Variants in ZNF775 observed in about 807,000 individuals in gnomAD.
ZNF775 encodes the protein zinc finger protein 775.
In ZNF775, 1 loss-of-function variant was observed where a neutral mutation model predicts 2.4. The ratio of observed to expected loss-of-function variants is 0.41; its 90% CI spans 0.15 to 1.94. ZNF775 has a LOEUF of 1.94. ZNF775 is among the 30% of genes most tolerant of loss of function. The pLI is 0.30. For missense variants in ZNF775, 823 were observed against 826.6 expected (o/e 1.00, Z 0.05); for synonymous variants, 381 against 373.3 (o/e 1.02, Z -0.24).
rs905614909 is a variant in ZNF775 at position 150,384,661 on chromosome 7, T to C, written c.-49-3761T>C. On this transcript the variant is annotated intron_variant, in intron 1 of 2. Transcript: ENST00000329630. This position sits in a 1 kb window ranked among gnomAD's most constrained non-coding sequence, Gnocchi z 4.1. ...TGTCCTCTGTGTTTCCCCCTTTGAATTTCTCACTTCTTCCTCTTGGGTCCT... is the reference window on the plus strand; with the variant it reads ...TGTCCTCTGTGTTTCCCCCTTTGAACTTCTCACTTCTTCCTCTTGGGTCCT... Among the ~76,000 whole-genome samples, 1 of 152,146 alleles carries C rather than the reference T, an allele frequency of 6.6e-6. No individual in the cohort carries two copies. Among genetic ancestry groups the C allele is most frequent in the Admixed American group, 6.6e-5 (1 of 15,264 alleles).
intron 1 of ZNF775, among the ~76,000 whole-genome samples, chr7:150,387,780 A>G (rs368604045): frequency 3.0e-4 from 45 of 151,732 alleles, no homozygotes; most frequent in South Asian, 2.7e-3. Context: ...ACTGCACTCC[A>G]GCCTGGGCAA....
In ZNF775 at chr7:150,396,992, C is replaced by A; in HGVS notation, c.511C>A (p.Arg171Ser). Residue 171 changes from arginine (R) to serine (S), a missense_variant, in exon 3 of 3, where the codon CGC becomes AGC. By Grantham distance (110) the Arg-to-Ser change is moderately radical (BLOSUM62 -1). Transcript: ENST00000329630. ...RPFCCPECAR[R>S]FSQKQHLLKH... ...CTTCTGCTGCCCCGAGTGCGCGCGG[C>A]GCTTCAGCCAGAAGCAGCACCTGCT... 6.3e-7 allele frequency: 1 copy of A among 1,598,678 alleles called. No homozygotes were observed. The highest frequency in any genetic ancestry group is 8.5e-7 in the Non-Finnish European group (1 of 1,178,766).
At chr7:150,392,419 G>A (rs1800574800) in intron 2 of ZNF775, among the ~76,000 whole-genome samples, 1 of 152,036 alleles carries the variant, frequency 6.6e-6, no homozygotes, top group Non-Finnish European at 1.5e-5. Flanking sequence ...TACTTTTATT[G>A]TTTTGTGGAA....
chr7:150,397,786 G>A lies in ZNF775; in HGVS notation c.1305G>A (p.Ala435=), dbSNP rs764537483. The change falls in exon 3 of 3, where the codon GCG becomes GCA. Residue 435 remains alanine, a synonymous_variant. Transcript: ENST00000329630. ...ACACGCTGTGGGGCCGGGGACAAGC[G>A]GGCCTCGCTGGGCCTGGCGAGCCGC... is the stretch of plus-strand genomic sequence containing the variant. ...ARDTLWGRGQ[A]GLAGPGEPRQ... is the part of the protein sequence containing the mutation. 3.2e-6 allele frequency: 5 copies of A among 1,547,656 alleles called. No homozygotes were observed. The highest frequency in any genetic ancestry group is 2.3e-5 in the South Asian group (2 of 85,198).
At chr7:150,388,831 C>A (rs921195694) in intron 2 of ZNF775, among the ~76,000 whole-genome samples, 3 of 152,186 alleles carry the variant, frequency 2.0e-5, no homozygotes, top group Non-Finnish European at 2.9e-5. Flanking sequence ...TAATTAGACA[C>A]GGAAAACTGG....
At position 150,388,493 on chromosome 7, in the gene ZNF775, A is replaced by AC. The variant is rs1217851271; in HGVS notation, c.24dup (p.Gly9ArgfsTer71). 6.4e-7 allele frequency: 1 copy of AC among 1,551,722 alleles called. No homozygotes were observed. Among genetic ancestry groups the AC allele is most frequent in the African/African-American group, 1.4e-5 (1 of 73,050 alleles). ...GGGATGGAGAGTGGCCTGGCTGGCA[A>AC]CGGCACAGGTAAGAGAGAAGAAAGA... On this transcript the variant is annotated frameshift_variant, in exon 2 of 3. Transcript: ENST00000329630. LOFTEE classifies it low-confidence loss of function (END_TRUNC).
intron 2 of ZNF775, among the ~76,000 whole-genome samples, chr7:150,391,823 T>A (rs1458130619): frequency 6.6e-6 from 1 of 151,300 alleles, no homozygotes; most frequent in Admixed American, 6.6e-5. Flanking sequence ...GTGATTTTCC[T>A]GCCTCAGCCT....
intron 1 of ZNF775, among the ~76,000 whole-genome samples, chr7:150,386,040 A>G (rs947010516): frequency 1.6e-4 from 24 of 151,968 alleles, no homozygotes; most frequent in African/African-American, 5.1e-4. Context: ...AGTTCAAACA[A>G]TTTTCCTGTC....
At chr7:150,380,260 C>A (rs1034200963) in intron 1 of ZNF775, 1 of 152,196 alleles carries the variant, frequency 6.6e-6, no homozygotes, top group African/African-American at 2.4e-5. Flanking sequence ...TGCTTCAAAT[C>A]TGTTTTGTAC....
chr7:150,379,335 G>C lies in ZNF775; in HGVS notation c.-107G>C, dbSNP rs1026707122. 33 of 152,338 alleles carry C rather than the reference G, an allele frequency of 2.2e-4. No homozygotes were observed. Among genetic ancestry groups the C allele is most frequent in the African/African-American group, 7.9e-4 (33 of 41,576 alleles). The allele number at this position is 152,338 out of a possible 1,614,324, so 9.4% of individuals were successfully genotyped here. ...CGGGAATGGCCAGGGCCGGGAGCCCGGTGCCCAAGTCGCCCTCGGGGTGGC... is the reference window on the plus strand; with the variant it reads ...CGGGAATGGCCAGGGCCGGGAGCCCCGTGCCCAAGTCGCCCTCGGGGTGGC... On this transcript the variant is annotated 5_prime_UTR_variant, in exon 1 of 3. Coordinates refer to ENST00000329630, the MANE Select transcript of ZNF775 (RefSeq NM_173680.4).
rs1800662934 is a variant in ZNF775 at position 150,396,716 on chromosome 7, G to C, written c.235G>C (p.Glu79Gln). The C allele has an allele frequency of 1.2e-5, 19 of 1,599,756 alleles. No individual in the cohort carries two copies. Among genetic ancestry groups the C allele is most frequent in the Non-Finnish European group, 1.3e-5 (15 of 1,173,822 alleles). ...GAGTCCAAGGTGGGCCCCTCCCACT[G>C]AGCAGGATGCGGGGCTGGCAGGCCG... is the stretch of plus-strand genomic sequence containing the variant. ...SGSPRWAPPT[E>Q]QDAGLAGRAP... Residue 79 changes from glutamate (E) to glutamine (Q), a missense_variant, in exon 3 of 3, where the codon GAG becomes CAG. Coordinates refer to ENST00000329630, the MANE Select transcript of ZNF775 (RefSeq NM_173680.4).
Position 150,382,991 on chromosome 7 carries a change from G to A in ZNF775, c.-50+3599G>A, listed in dbSNP as rs142004423. On this transcript the variant is annotated intron_variant, in intron 1 of 2. Transcript: ENST00000329630. This position sits in a 1 kb window ranked among gnomAD's most constrained non-coding sequence, Gnocchi z 4.6. ...GTGCTGCCCTGGTTCACAGTGGCAC[G>A]TTTGTGTGTCTGTGGATCTGTAGGT... 3.3e-5 allele frequency among the ~76,000 whole-genome samples: 5 copies of A among 152,340 alleles called. No individual in the cohort carries two copies. The highest frequency in any genetic ancestry group is 2.1e-4 in the South Asian group (1 of 4,828).
Position 150,397,878 on chromosome 7 carries a change from G to A in ZNF775, c.1397G>A (p.Arg466His), listed in dbSNP as rs910523680. 21 of 1,603,190 alleles carry A rather than the reference G, an allele frequency of 1.3e-5. No individual in the cohort carries two copies. Among genetic ancestry groups the A allele is most frequent in the Non-Finnish European group, 1.6e-5 (19 of 1,178,524 alleles). The change falls in exon 3 of 3, where the codon CGC (arginine) becomes CAC (histidine). Residue 466 changes from arginine to histidine, a missense_variant. Physicochemically the swap from Arg to His is conservative, Grantham distance 29. Coordinates refer to ENST00000329630, the MANE Select transcript of ZNF775 (RefSeq NM_173680.4). Reference sequence around the variant, plus strand: ...TGGTCGGCGCTCACCATCCACCAGCGCATCCACACGGGTGAGCGGCCCTAC... The same window carrying A: ...TGGTCGGCGCTCACCATCCACCAGCACATCCACACGGGTGAGCGGCCCTAC... ...SWWSALTIHQRIHTGERPYPC... is the reference protein window; with the variant it reads ...SWWSALTIHQHIHTGERPYPC...
In ZNF775 at chr7:150,397,824, G is replaced by A. The variant is rs755725246; in HGVS notation, c.1343G>A (p.Cys448Tyr). 6.9e-6 allele frequency: 11 copies of A among 1,597,254 alleles called. No homozygotes were observed. Among genetic ancestry groups the A allele is most frequent in the Non-Finnish European group, 8.5e-6 (10 of 1,175,680 alleles). Residue 448 changes from cysteine to tyrosine, a missense_variant, in exon 3 of 3, where the codon TGC becomes TAC. Transcript: ENST00000329630. ...AGPGEPRQFI[C>Y]NECGKSFSWW... is the part of the protein sequence containing the mutation. ...CCTGGCGAGCCGCGCCAGTTCATCT[G>A]CAACGAGTGCGGCAAGAGCTTCTCG... is the stretch of plus-strand genomic sequence containing the variant.
Position 150,382,476 on chromosome 7 carries a change from G to A in ZNF775, c.-50+3084G>A, listed in dbSNP as rs1439237806. 6.6e-6 allele frequency among the ~76,000 whole-genome samples: 1 copy of A among 152,202 alleles called. No individual in the cohort carries two copies. The highest frequency in any genetic ancestry group is 1.9e-4 in the East Asian group (1 of 5,198). On this transcript the variant is annotated intron_variant, in intron 1 of 2. Transcript: ENST00000329630. This position sits in a 1 kb window ranked among gnomAD's most constrained non-coding sequence, Gnocchi z 4.6. ...CTTGATTAAGACATGGGGTCCTGAG[G>A]GGAGGGACCAGGAAGGGTGGCCTTG...
intron 2 of ZNF775, among the ~76,000 whole-genome samples, chr7:150,391,371 G>A (rs1009539243): frequency 1.3e-5 from 2 of 152,154 alleles, no homozygotes; most frequent in African/African-American, 4.8e-5. Context: ...AGCTGGGTGT[G>A]GTGGTGGGCG....
intron 2 of ZNF775, among the ~76,000 whole-genome samples, chr7:150,395,599 G>A (rs934620008): frequency 6.6e-6 from 1 of 152,166 alleles, no homozygotes; most frequent in Non-Finnish European, 1.5e-5. Flanking sequence ...TCTAACTCGT[G>A]GGTTCATTTT....
intron 2 of ZNF775, among the ~76,000 whole-genome samples, chr7:150,390,738 A>C (rs1420525453): frequency 6.6e-6 from 1 of 152,244 alleles, no homozygotes; most frequent in Non-Finnish European, 1.5e-5. Flanking sequence ...TACAAAGAAC[A>C]CTTCAGTGAA....
In ZNF775 at chr7:150,398,024, CAGCACCTGCTCA is replaced by C; in HGVS notation, c.1550_1561del (p.Leu517_His520del). ...CTGCGGCCGCGGCTTCAGCCAGAAG[CAGCACCTGCTCA>C]AGCACCAGCGCGTGCACCGCGCGGC... is the stretch of plus-strand genomic sequence containing the variant. On this transcript the variant is annotated inframe_deletion, in exon 3 of 3. Coordinates refer to ENST00000329630, the MANE Select transcript of ZNF775 (RefSeq NM_173680.4). 6.3e-7 allele frequency: 1 copy of C among 1,580,710 alleles called. No homozygotes were observed. The highest frequency in any genetic ancestry group is 1.1e-5 in the South Asian group (1 of 88,736).
Sources: allele counts gnomAD v4.1 joint callset (sites outside exome capture counted in the v4.1 genomes callset), GRCh38; gene constraint gnomAD v4.1.1; non-coding constraint Gnocchi (gnomAD v3.1); transcripts MANE v1.5; gene names NCBI Gene and HGNC (gene_info 2026-07-23, HGNC 2026-07-21).